ACSL6: variants seen among roughly 807,000 people sequenced by gnomAD.
ACSL6 encodes the protein long-chain-fatty-acid--CoA ligase 6.
Under a neutral mutation model 98.2 loss-of-function variants are expected in ACSL6, and 47 were observed. The observed-to-expected ratio is 0.48, with a 90% confidence interval of 0.38 to 0.61. ACSL6 has a LOEUF of 0.61. ACSL6 is among the 20% of genes least tolerant of loss of function. ACSL6 has a pLI of 0.00. For missense variants in ACSL6, 761 were observed against 913.4 expected, an observed-to-expected ratio of 0.83 and a Z score of 2.15; for synonymous variants, 362 against 336.9, an observed-to-expected ratio of 1.07 and a Z score of -0.82.
intron 20 of ACSL6, among the ~76,000 whole-genome samples, chr5:131,957,900 A>C (rs1752500281): frequency 6.6e-6 from 1 of 152,218 alleles, no homozygotes; most frequent in Admixed American, 6.5e-5. Context: ...GAATGAGAAC[A>C]GAGAAAATCA....
At chr5:132,007,833 C>T (rs1270234863) in intron 1 of ACSL6, among the ~76,000 whole-genome samples, 1 of 152,182 alleles carries the variant, frequency 6.6e-6, no homozygotes, top group Non-Finnish European at 1.5e-5. Flanking sequence ...TATACAAAAG[C>T]CTGTAACTTT....
At chr5:132,002,520 G>A (rs543283869) in intron 1 of ACSL6, among the ~76,000 whole-genome samples, 74 of 152,250 alleles carry the variant, frequency 4.9e-4, no homozygotes, top group African/African-American at 1.7e-3. Flanking sequence ...GGTCACTGAG[G>A]TGGGGGGAGC....
rs1160694732 is a variant in ACSL6, at chr5:131,971,417, CT to C, written c.1434+132del. On this transcript the variant is annotated intron_variant, in intron 14 of 20. Coordinates refer to ENST00000651883, the MANE Select transcript of ACSL6 (RefSeq NM_001009185.3). Reference sequence around the variant, plus strand: ...TTCACTGGCTCTGAGTTTTTTCCTCCTCAGAGGAGGGAGCTTTTGTCTCACA... The same window carrying C: ...TTCACTGGCTCTGAGTTTTTTCCTCCCAGAGGAGGGAGCTTTTGTCTCACA... 4 of 692,716 alleles carry C rather than the reference CT, an allele frequency of 5.8e-6. No individual in the cohort carries two copies. The African/African-American group carries it at 7.3e-5, about 13-fold the overall frequency. 42.9% of individuals were successfully genotyped at this position (692,716 alleles called of 1,614,324 possible).
intron 3 of ACSL6, 79 bp downstream of exon 3, chr5:131,990,774 A>C: frequency 7.5e-7 from 1 of 1,341,080 alleles, no homozygotes; most frequent in South Asian, 1.2e-5. Flanking sequence ...CCCTGGTATC[A>C]TGCTTGCATA....
intron 20 of ACSL6, among the ~76,000 whole-genome samples, chr5:131,956,669 C>A (rs1192990631): frequency 6.6e-6 from 1 of 152,152 alleles, no homozygotes; most frequent in African/African-American, 2.4e-5. Context: ...CTGACACTGA[C>A]TTTAACTACG....
At chr5:131,988,536 T>A in intron 6 of ACSL6, 1 of 1,595,626 alleles carries the variant, frequency 6.3e-7, no homozygotes, top group Non-Finnish European at 8.5e-7. Context: ...CAAGCTGTCA[T>A]GAACTTCAGA....
intron 10 of ACSL6, chr5:131,976,297 A>AATCC: frequency 1.1e-6 from 1 of 885,860 alleles, no homozygotes; most frequent in Non-Finnish European, 1.4e-6. Flanking sequence ...GTTATTAAGG[A>AATCC]TTACTTTCTA....
Position 131,988,795 on chromosome 5 carries a change from G to T in ACSL6, c.652+10C>A, listed in dbSNP as rs1251402547. 3.7e-6 allele frequency: 6 copies of T among 1,613,044 alleles called. No individual in the cohort carries two copies. The African/African-American group carries it at 4.0e-5, about 11-fold the overall frequency. ...TTGCCAGTGGCAGGGTGGGGTGGCA[G>T]TGGGCTTACCTGTATTGATGATGTA... On this transcript the variant is annotated intron_variant, in intron 6 of 20. Transcript: ENST00000651883.
rs1418054052 is a variant in ACSL6, at chr5:131,952,714, T to A, written c.*1520A>T. ...TTATAAGAAATTGTTGACACCCCAA[T>A]ACAGGGTGCATCTAAATACATAATG... On this transcript the variant is annotated 3_prime_UTR_variant, in exon 21 of 21. Coordinates refer to ENST00000651883, the MANE Select transcript of ACSL6 (RefSeq NM_001009185.3). 3 of 215,656 alleles carry A rather than the reference T, an allele frequency of 1.4e-5. No homozygotes were observed. The highest frequency in any genetic ancestry group is 6.8e-5 in the African/African-American group (3 of 44,312). The allele number at this position is 215,656 out of a possible 1,614,324, so 13.4% of individuals were successfully genotyped here. A position where few individuals can be genotyped will look rare whatever the true frequency, so the allele number is the denominator to read the frequency against.
chr5:131,998,486 G>A (rs1231910568), intron 1 of ACSL6, among the ~76,000 whole-genome samples: 1 of 152,222 alleles, frequency 6.6e-6, no homozygotes, highest in Non-Finnish European at 1.5e-5. Flanking sequence ...CAGGAAGAAA[G>A]GGGCCCTGGT....
At chr5:132,001,136 A>G (rs1313026392) in intron 1 of ACSL6, among the ~76,000 whole-genome samples, 3 of 152,246 alleles carry the variant, frequency 2.0e-5, no homozygotes, top group East Asian at 1.9e-4. Flanking sequence ...TGCTTTTAAT[A>G]TGAAAGCTTC....
intron 1 of ACSL6, among the ~76,000 whole-genome samples, chr5:131,996,902 C>T (rs1476438587): frequency 6.6e-6 from 1 of 152,158 alleles, no homozygotes; most frequent in Non-Finnish European, 1.5e-5. Context: ...TCAGGGCAGG[C>T]TTCTGGCAGG....
At chr5:131,989,653 T>C in intron 4 of ACSL6, 145 bp from the exon 5 acceptor site, 2 of 610,576 alleles carry the variant, frequency 3.3e-6, no homozygotes, top group Admixed American at 3.6e-5. Flanking sequence ...TGGAGTGCAA[T>C]GGCACAATCT....
intron 1 of ACSL6, among the ~76,000 whole-genome samples, chr5:131,996,684 C>T (rs913575612): frequency 1.3e-5 from 2 of 152,228 alleles, no homozygotes; most frequent in Admixed American, 6.5e-5. Context: ...CGGTGCAATG[C>T]TAGAGTTTTT....
intron 17 of ACSL6, 69 bp from the exon 18 acceptor site, chr5:131,962,747 C>T: frequency 1.3e-6 from 2 of 1,568,178 alleles, no homozygotes; most frequent in Non-Finnish European, 1.7e-6. Context: ...CTCCTCAGTG[C>T]CGTAACTCCC....
chr5:132,008,923 G>A (rs1050623717), intron 1 of ACSL6, among the ~76,000 whole-genome samples: 5 of 152,240 alleles, frequency 3.3e-5, no homozygotes, highest in African/African-American at 9.6e-5. Flanking sequence ...CAAAGGTGCT[G>A]TACAGGCAGG....
At chr5:131,974,824 A>G (rs541081639) in intron 11 of ACSL6, 69 bp downstream of exon 11, 13 of 1,613,492 alleles carry the variant, frequency 8.1e-6, no homozygotes, top group Non-Finnish European at 1.1e-5. Context: ...CACAAGTGGG[A>G]GCCCACTGAC....
chr5:132,010,223 G>T (rs1000293556), intron 1 of ACSL6, among the ~76,000 whole-genome samples: 6 of 152,328 alleles, frequency 3.9e-5, no homozygotes, highest in African/African-American at 1.4e-4. Flanking sequence ...CTCAGGGGAA[G>T]TGTCCCTGTG....
rs918012348 is a variant in ACSL6, at chr5:131,975,082, G to T, written c.991-112C>A. ...GGTCCTGGAGGGTAAACAGGAAGAG[G>T]GGGAGGGGAATGGGAGTGGTGAGGA... is the stretch of plus-strand genomic sequence containing the variant. On this transcript the variant is annotated intron_variant, in intron 10 of 20. Coordinates refer to ENST00000651883, the MANE Select transcript of ACSL6 (RefSeq NM_001009185.3). 4.8e-6 allele frequency: 7 copies of T among 1,459,192 alleles called. No homozygotes were observed. The African/African-American group carries it at 8.5e-5, about 18-fold the overall frequency. 90.4% of individuals were successfully genotyped at this position (1,459,192 alleles called of 1,614,324 possible).
Sources: allele counts gnomAD v4.1 joint callset (sites outside exome capture counted in the v4.1 genomes callset), GRCh38; gene constraint gnomAD v4.1.1; transcripts MANE v1.5; gene names NCBI Gene and HGNC (gene_info 2026-07-23, HGNC 2026-07-21).